The following SMYD5 variants were observed in gnomAD, a reference collection of about 807,000 sequenced individuals.
SMYD5 encodes the protein protein-lysine N-trimethyltransferase SMYD5.
SMYD5 carries 35 observed loss-of-function variants against 57.4 expected under a neutral mutation model. The ratio of observed to expected loss-of-function variants is 0.61; its 90% confidence interval spans 0.47 to 0.81. SMYD5 has a LOEUF of 0.81. SMYD5 is among the 30% of genes least tolerant of loss of function. The pLI is 0.00. For synonymous variants in SMYD5, 198 were observed against 189.7 expected (o/e 1.04, Z -0.36); for missense variants, 471 against 527.9 (o/e 0.89, Z 1.06).
At chr2:73,225,113 G>C (rs1686474879) in intron 11 of SMYD5, 153 bp downstream of exon 11, 1 of 613,996 alleles carries the variant, frequency 1.6e-6, no homozygotes. Context: ...TCAGCTCATG[G>C]TTAGGTTCTA....
At chr2:73,217,071 C>G (rs979216729) in intron 1 of SMYD5, among the ~76,000 whole-genome samples, 3 of 152,022 alleles carry the variant, frequency 2.0e-5, no homozygotes, top group Non-Finnish European at 4.4e-5. Flanking sequence ...CCTGCCTCAG[C>G]CTTCCGAGTA....
At chr2:73,221,737 G>T in intron 5 of SMYD5, 89 bp from the exon 6 acceptor site, 1 of 870,730 alleles carries the variant, frequency 1.1e-6, no homozygotes, top group South Asian at 1.4e-5. Flanking sequence ...GCCCCTATAA[G>T]TTCCTGTGTA....
intron 10 of SMYD5, 21 bp downstream of exon 10, chr2:73,224,024 G>T: frequency 3.1e-6 from 5 of 1,612,720 alleles, no homozygotes; most frequent in Non-Finnish European, 4.2e-6. Context: ...GCGTTGAGGA[G>T]GGATGGTCCC....
At chr2:73,220,255 A>G in intron 3 of SMYD5, 65 bp downstream of exon 3, 1 of 1,573,842 alleles carries the variant, frequency 6.4e-7, no homozygotes, top group Non-Finnish European at 8.7e-7. Context: ...TGGAGTCCTC[A>G]GTGGGGAGAC....
At chr2:73,219,887 T>G (rs1678289927) in intron 2 of SMYD5, 164 bp from the exon 3 acceptor site, 2 of 838,020 alleles carry the variant, frequency 2.4e-6, no homozygotes, top group African/African-American at 1.7e-5. Context: ...ATAAATTCAT[T>G]CATCCATTCA....
At chr2:73,219,809 T>A in intron 2 of SMYD5, 1 of 586,800 alleles carries the variant, frequency 1.7e-6, no homozygotes, top group Non-Finnish European at 3.1e-6. Flanking sequence ...GCAAGGAAAG[T>A]TAGACAATAA....
rs773728844 is a variant in SMYD5, at chr2:73,220,796, C to T, written c.467+14C>T. 3.7e-6 allele frequency: 6 copies of T among 1,613,454 alleles called. No individual in the cohort carries two copies. Among genetic ancestry groups the T allele is most frequent in the Middle Eastern group, 1.7e-4 (1 of 5,910 alleles). ...GGAGGCATGGAGGTAGGTTTCTTTT[C>T]CTCTCTTCTTTCCTTTATCCTTTCC... On this transcript the variant is annotated intron_variant, in intron 4 of 12. Coordinates refer to ENST00000389501, the MANE Select transcript of SMYD5 (RefSeq NM_006062.3).
At chr2:73,214,753 A>G in intron 1 of SMYD5, 1 of 1,321,452 alleles carries the variant, frequency 7.6e-7, no homozygotes, top group Non-Finnish European at 1.0e-6. Context: ...GATTTGGGTG[A>G]GGGGATGAGG....
intron 5 of SMYD5, 31 bp from the exon 6 acceptor site, chr2:73,221,795 T>C (rs1176288889): frequency 1.3e-6 from 2 of 1,504,770 alleles, no homozygotes; most frequent in African/African-American, 2.8e-5. Flanking sequence ...GGTGGGTATC[T>C]GTGACCCTTA....
intron 1 of SMYD5, among the ~76,000 whole-genome samples, chr2:73,215,211 C>T (rs36106493): frequency 0.44 from 67,435 of 152,036 alleles, 15,276 homozygotes; most frequent in African/African-American, 0.56. Flanking sequence ...CAAACATCCT[C>T]TTGTTTTGTC....
At chr2:73,216,409 G>A (rs1686293607) in intron 1 of SMYD5, among the ~76,000 whole-genome samples, 1 of 152,004 alleles carries the variant, frequency 6.6e-6, no homozygotes, top group African/African-American at 2.4e-5. Flanking sequence ...ACAAAAATTA[G>A]GCCTGGCGTG....
intron 1 of SMYD5, among the ~76,000 whole-genome samples, chr2:73,217,599 T>C (rs1171726588): frequency 6.6e-6 from 1 of 152,160 alleles, no homozygotes; most frequent in African/African-American, 2.4e-5. Flanking sequence ...GTTTCACCTG[T>C]CCCACTCTAC....
At chr2:73,223,376 G>C in intron 8 of SMYD5, 50 bp from the exon 9 acceptor site, 1 of 1,294,644 alleles carries the variant, frequency 7.7e-7, no homozygotes, top group Non-Finnish European at 1.1e-6. Context: ...GGAGAGCCCT[G>C]TGACCTGGGC....
Position 73,221,169 on chromosome 2 carries a change from A to G in SMYD5, c.472A>G (p.Ile158Val), listed in dbSNP as rs755804786. Reference sequence around the variant, plus strand: ...ATCTTTTTTCTCTTTCCCCAGGAGTATTCACTACCCACCTGAGACTGCAAG... The same window carrying G: ...ATCTTTTTTCTCTTTCCCCAGGAGTGTTCACTACCCACCTGAGACTGCAAG... ...LNKLQEAWRS[I>V]HYPPETASIM... Residue 158 changes from isoleucine (I) to valine (V), a missense_variant, in exon 5 of 13, where the codon ATT becomes GTT. Coordinates refer to ENST00000389501, the MANE Select transcript of SMYD5 (RefSeq NM_006062.3). 2.5e-6 allele frequency: 4 copies of G among 1,613,752 alleles called. No individual in the cohort carries two copies. In the South Asian group the frequency reaches 4.4e-5, roughly 18 times the overall value.
At chr2:73,221,973 T>C in intron 6 of SMYD5, 43 bp downstream of exon 6, 2 of 1,213,924 alleles carry the variant, frequency 1.6e-6, no homozygotes, top group Non-Finnish European at 2.5e-6. Flanking sequence ...TCCCCAAATA[T>C]CCTAGGATGT....
chr2:73,224,867 C>A lies in SMYD5; in HGVS notation c.942C>A (p.Cys314Ter), dbSNP rs772684042. 6.2e-7 allele frequency: 1 copy of A among 1,611,424 alleles called. No homozygotes were observed. Among genetic ancestry groups the A allele is most frequent in the South Asian group, 1.1e-5 (1 of 90,792 alleles). The change falls in exon 11 of 13, where the codon TGC (cysteine) becomes TGA (stop). Residue 314 changes from cysteine (C) to a stop codon, truncating the protein, a stop_gained and splice_region_variant. Transcript: ENST00000389501. LOFTEE classifies it high-confidence loss of function. The part of the protein sequence containing the change: ...GSGLFVLQSC[C>*]NHSCVPNAET... ...CATTACCTGCCTCTTATGATCCAGG[C>A]AACCACAGTTGTGTGCCCAATGCAG...
rs1263732761 is a variant in SMYD5 at position 73,218,137 on chromosome 2, T to A, written c.97-724T>A. Among the ~76,000 whole-genome samples the A allele has an allele frequency of 2.0e-5, 3 of 152,300 alleles. No individual in the cohort carries two copies. The East Asian group carries it at 5.8e-4, about 29-fold the overall frequency. On this transcript the variant is annotated intron_variant, in intron 1 of 12. Coordinates refer to ENST00000389501, the MANE Select transcript of SMYD5 (RefSeq NM_006062.3). ...TTGAGTAGGAAGAAGCTAGAGCTCATAAGGTCCATTCATCTGTGCTATATC... is the reference window on the plus strand; with the variant it reads ...TTGAGTAGGAAGAAGCTAGAGCTCAAAAGGTCCATTCATCTGTGCTATATC...
chr2:73,221,492 A>G (rs1266112594), intron 5 of SMYD5, among the ~76,000 whole-genome samples: 1 of 140,928 alleles, frequency 7.1e-6, no homozygotes, highest in Non-Finnish European at 1.5e-5. Flanking sequence ...GTAGTTTCTG[A>G]TATAGAAGAT....
At position 73,220,682 on chromosome 2, in the gene SMYD5, T is replaced by A. The variant is rs760927097; in HGVS notation, c.367T>A (p.Cys123Ser). Residue 123 changes from cysteine to serine, a missense_variant, in exon 4 of 13, where the codon TGT becomes AGT. Cys to Ser is a moderately radical substitution (Grantham distance 112). Transcript: ENST00000389501. The part of the protein sequence containing the change: ...HCQVMYCSAE[C>S]RLAATEQYHQ... ...ACAGGTGATGTACTGCAGTGCAGAA[T>A]GTCGGTTGGCAGCCACTGAGCAATA... 3 of 1,614,060 alleles carry A rather than the reference T, an allele frequency of 1.9e-6. No individual in the cohort carries two copies. The highest frequency in any genetic ancestry group is 1.1e-5 in the South Asian group (1 of 91,072).
Sources: gnomAD v4.1 joint callset for allele counts (sites outside exome capture counted in the v4.1 genomes callset) on GRCh38, gnomAD v4.1.1 for gene constraint, MANE v1.5 for transcripts, NCBI Gene and HGNC (gene_info 2026-07-23, HGNC 2026-07-21) for gene names.